The following ALCAM variants were observed in gnomAD, a reference collection of about 807,000 sequenced individuals.
The protein encoded by ALCAM is CD166 antigen.
ALCAM carries 30 observed loss-of-function variants against 70.9 expected under a neutral mutation model. The ratio of observed to expected loss-of-function variants is 0.42; its 90% CI spans 0.32 to 0.57. The LOEUF (loss-of-function observed/expected upper bound fraction) is 0.57. Among genes scored for constraint, ALCAM ranks in the 20% least tolerant of loss-of-function variants. The pLI is 0.11. For missense variants in ALCAM, 591 were observed against 695.1 expected (o/e 0.85, Z 1.68); for synonymous variants, 249 against 242.5 (o/e 1.03, Z -0.25).
At chr3:105,409,518 G>A (rs1489419336) in intron 1 of ALCAM, among the ~76,000 whole-genome samples, 1 of 152,024 alleles carries the variant, frequency 6.6e-6, no homozygotes, top group Non-Finnish European at 1.5e-5. Flanking sequence ...AGGGTGCAAA[G>A]GCATAAGAAT....
chr3:105,462,705 T>C (rs768669338), intron 1 of ALCAM, among the ~76,000 whole-genome samples: 1 of 151,448 alleles, frequency 6.6e-6, no homozygotes, highest in Non-Finnish European at 1.5e-5. Context: ...TCTAAGTTGA[T>C]GTTTCAAACT....
At chr3:105,475,416 G>A (rs1938082262) in intron 1 of ALCAM, among the ~76,000 whole-genome samples, 2 of 151,890 alleles carry the variant, frequency 1.3e-5, no homozygotes, top group African/African-American at 4.8e-5. Context: ...ACAGTAAATT[G>A]CAATATGCAT....
At chr3:105,374,327 G>A (rs1267345089) in intron 1 of ALCAM, among the ~76,000 whole-genome samples, 2 of 151,882 alleles carry the variant, frequency 1.3e-5, no homozygotes, top group African/African-American at 4.8e-5. Context: ...AGGCCGAGGC[G>A]GGCGGATCAC....
At chr3:105,516,118 T>C (rs898345528) in intron 1 of ALCAM, among the ~76,000 whole-genome samples, 1 of 151,334 alleles carries the variant, frequency 6.6e-6, no homozygotes, top group Admixed American at 6.6e-5. Flanking sequence ...AAATAGACTG[T>C]CTAATTCTCA....
intron 1 of ALCAM, among the ~76,000 whole-genome samples, chr3:105,398,739 G>C (rs530880976): frequency 6.6e-6 from 1 of 151,946 alleles, no homozygotes; most frequent in South Asian, 2.1e-4. Flanking sequence ...GCATGTTTAG[G>C]AGAGCCATTT....
chr3:105,554,741 A>G (rs527312149), intron 14 of ALCAM, among the ~76,000 whole-genome samples: 121 of 150,526 alleles, frequency 8.0e-4, no homozygotes, highest in African/African-American at 2.8e-3. Flanking sequence ...TCCATTTTAT[A>G]GAAGTTCTCC....
chr3:105,469,417 G>A (rs942807921), intron 1 of ALCAM, among the ~76,000 whole-genome samples: 3 of 150,930 alleles, frequency 2.0e-5, no homozygotes, highest in African/African-American at 7.3e-5. Context: ...TGCTATGGTG[G>A]TTCCAAACTC....
intron 1 of ALCAM, among the ~76,000 whole-genome samples, chr3:105,456,983 G>A (rs569831141): frequency 2.0e-4 from 30 of 152,260 alleles, no homozygotes; most frequent in Non-Finnish European, 3.5e-4. Context: ...AGTGACTTAG[G>A]AGTGATCATC....
chr3:105,425,810 A>T lies in ALCAM; in HGVS notation c.73+58329A>T, dbSNP rs368658833. ...GGAGTAGATTCTGTAGAGTTGGGGT[A>T]TCAATCACATGATCATTAAAAGGGC... is the stretch of plus-strand genomic sequence containing the variant. On this transcript the variant is annotated intron_variant, in intron 1 of 15. Coordinates refer to ENST00000306107, the MANE Select transcript of ALCAM (RefSeq NM_001627.4). Among the ~76,000 whole-genome samples the T allele has an allele frequency of 2.5e-4, 37 of 149,834 alleles. No individual in the cohort carries two copies. The South Asian group carries it at 4.2e-3, about 17-fold the overall frequency.
chr3:105,535,016 T>C (rs1273563451), intron 6 of ALCAM, among the ~76,000 whole-genome samples, 171 bp downstream of exon 6: 1 of 152,146 alleles, frequency 6.6e-6, no homozygotes, highest in Admixed American at 6.5e-5. Context: ...ATAGCATGAA[T>C]AAACATTTAT....
intron 2 of ALCAM, among the ~76,000 whole-genome samples, chr3:105,520,560 T>C (rs1282518332): frequency 3.9e-5 from 6 of 152,234 alleles, no homozygotes; most frequent in Admixed American, 1.3e-4. Flanking sequence ...TATCAGTAGA[T>C]AGAGCCTTAG....
At chr3:105,379,464 T>A (rs895466827) in intron 1 of ALCAM, among the ~76,000 whole-genome samples, 2 of 151,770 alleles carry the variant, frequency 1.3e-5, no homozygotes, top group African/African-American at 4.8e-5. Context: ...AGCTTTAAAA[T>A]GTAATTTTCC....
At chr3:105,395,419 T>C (rs1487483723) in intron 1 of ALCAM, among the ~76,000 whole-genome samples, 2 of 151,976 alleles carry the variant, frequency 1.3e-5, no homozygotes, top group African/African-American at 4.8e-5. Context: ...TCTTATTTCT[T>C]ATATCCAGAG....
intron 1 of ALCAM, among the ~76,000 whole-genome samples, chr3:105,390,239 G>A (rs555617563): frequency 3.6e-4 from 54 of 151,364 alleles, no homozygotes; most frequent in African/African-American, 1.3e-3. Flanking sequence ...CCATAGCCTT[G>A]CCAGCATCTG....
At chr3:105,492,356 C>T (rs926443644) in intron 1 of ALCAM, among the ~76,000 whole-genome samples, 1 of 152,102 alleles carries the variant, frequency 6.6e-6, no homozygotes, top group African/African-American at 2.4e-5. Flanking sequence ...CACATCTAAA[C>T]CAGAAATATC....
intron 1 of ALCAM, chr3:105,439,259 A>C (rs1937119292): frequency 1.3e-5 from 2 of 152,230 alleles, no homozygotes; most frequent in African/African-American, 2.4e-5. Context: ...AATTCTATTT[A>C]ATTGTTTAAG....
At chr3:105,552,022 T>C (rs1940422230) in intron 12 of ALCAM, 122 bp from the exon 13 acceptor site, 1 of 580,170 alleles carries the variant, frequency 1.7e-6, no homozygotes, top group East Asian at 3.2e-5. Context: ...TTTTTTTTAC[T>C]GTTAGCTATA....
chr3:105,520,800 A>C (rs1939516262), intron 2 of ALCAM, among the ~76,000 whole-genome samples: 1 of 152,202 alleles, frequency 6.6e-6, no homozygotes, highest in Admixed American at 6.5e-5. Context: ...ACTTTGAGTA[A>C]TAAAATGTCT....
At chr3:105,378,586 C>T (rs1233306768) in intron 1 of ALCAM, among the ~76,000 whole-genome samples, 1 of 150,404 alleles carries the variant, frequency 6.6e-6, no homozygotes, top group Non-Finnish European at 1.5e-5. Flanking sequence ...CATAAATCCC[C>T]TGTTCCACCC....
Sources: allele counts gnomAD v4.1 joint callset (sites outside exome capture counted in the v4.1 genomes callset), GRCh38; gene constraint gnomAD v4.1.1; transcripts MANE v1.5; gene names NCBI Gene and HGNC (gene_info 2026-07-23, HGNC 2026-07-21).